SMYD3: variants seen among roughly 807,000 people sequenced by gnomAD.
SMYD3 encodes the protein SET and MYND domain containing 3.
A neutral mutation model predicts 57.7 loss-of-function variants in SMYD3; 36 were observed. The observed-to-expected ratio is 0.62, with a 90% CI of 0.48 to 0.82. The LOEUF (loss-of-function observed/expected upper bound fraction) is 0.82. SMYD3 is among the 40% of genes least tolerant of loss of function. The probability of loss-of-function intolerance (pLI) is 0.00; values close to 1 mark genes in which losing one functional copy is unlikely to be tolerated. For missense variants in SMYD3, 515 were observed against 538.8 expected, an observed-to-expected ratio of 0.96 and a Z score of 0.44; for synonymous variants, 211 against 195.0, an observed-to-expected ratio of 1.08 and a Z score of -0.68.
intron 5 of SMYD3, among the ~76,000 whole-genome samples, chr1:246,294,213 C>T (rs1419402155): frequency 6.6e-6 from 1 of 152,168 alleles, no homozygotes; most frequent in Non-Finnish European, 1.5e-5. Context: ...ATGTCTTCCT[C>T]ATTTCTAAAT....
intron 10 of SMYD3, among the ~76,000 whole-genome samples, chr1:245,835,820 G>A (rs1431279172): frequency 6.6e-6 from 1 of 152,214 alleles, no homozygotes; most frequent in Non-Finnish European, 1.5e-5. Context: ...CCAGGGTTTA[G>A]CAGGAGGCCA....
chr1:246,465,044 T>C (rs955823377), intron 1 of SMYD3, among the ~76,000 whole-genome samples: 1 of 152,196 alleles, frequency 6.6e-6, no homozygotes. Context: ...ACTGCTTTAC[T>C]TGACAAGAAA....
At chr1:246,209,916 G>C (rs1301159706) in intron 5 of SMYD3, among the ~76,000 whole-genome samples, 1 of 152,172 alleles carries the variant, frequency 6.6e-6, no homozygotes, top group East Asian at 1.9e-4. Context: ...TAAAACTACA[G>C]TTAGTAGCCT....
At chr1:246,406,128 T>C (rs533705614) in intron 1 of SMYD3, among the ~76,000 whole-genome samples, 1 of 151,948 alleles carries the variant, frequency 6.6e-6, no homozygotes, top group South Asian at 2.1e-4. Flanking sequence ...CGTTTTGCCA[T>C]GTTGCCCAGG....
intron 5 of SMYD3, chr1:246,326,700 ATT>A: frequency 3.4e-6 from 1 of 295,962 alleles, no homozygotes; most frequent in African/African-American, 2.2e-5. Context: ...GGAGGCGGAG[ATT>A]GCAGTGAGCC....
rs143797157 is a variant in SMYD3, at chr1:246,028,487, A to G, written c.532-98550T>C. 6.6e-5 allele frequency among the ~76,000 whole-genome samples: 10 copies of G among 152,336 alleles called. No individual in the cohort carries two copies. In the East Asian group the frequency reaches 1.9e-3, roughly 29 times the overall value. The stretch of plus-strand genomic sequence containing the variant: ...AAGCAATTCCACTTACAACAGCTAC[A>G]AAAACATAAATAAAGTATCTAACAA... On this transcript the variant is annotated intron_variant, in intron 5 of 11. Coordinates refer to ENST00000490107, the MANE Select transcript of SMYD3 (RefSeq NM_001167740.2).
intron 5 of SMYD3, among the ~76,000 whole-genome samples, chr1:245,941,587 C>G (rs1284512931): frequency 6.6e-6 from 1 of 152,340 alleles, no homozygotes; most frequent in South Asian, 2.1e-4. Flanking sequence ...ATGGAACAAT[C>G]TCGGCTCACT....
chr1:245,854,443 G>C (rs1041568247), intron 10 of SMYD3, among the ~76,000 whole-genome samples: 3 of 152,100 alleles, frequency 2.0e-5, no homozygotes, highest in Non-Finnish European at 4.4e-5. Context: ...GACAGAGATT[G>C]ATCTAAAAAT....
intron 1 of SMYD3, among the ~76,000 whole-genome samples, chr1:246,462,034 G>A (rs1350639407): frequency 1.3e-5 from 2 of 152,172 alleles, no homozygotes; most frequent in Non-Finnish European, 2.9e-5. Context: ...GGTAGGGAGG[G>A]CAAGGAAGGC....
At chr1:246,456,512 C>T (rs1479775106) in intron 1 of SMYD3, among the ~76,000 whole-genome samples, 1 of 152,208 alleles carries the variant, frequency 6.6e-6, no homozygotes, top group Non-Finnish European at 1.5e-5. Context: ...TACTCATCCA[C>T]CAACACCAAG....
At chr1:245,782,687 A>C (rs1405449448) in intron 10 of SMYD3, among the ~76,000 whole-genome samples, 1 of 152,232 alleles carries the variant, frequency 6.6e-6, no homozygotes, top group Non-Finnish European at 1.5e-5. Flanking sequence ...CTAACAATTT[A>C]CCTCTAATAC....
chr1:246,078,827 G>A (rs757946780), intron 5 of SMYD3, among the ~76,000 whole-genome samples: 6 of 152,152 alleles, frequency 3.9e-5, no homozygotes, highest in Admixed American at 1.3e-4. Flanking sequence ...AAAAGTCAAC[G>A]ATGATCTATA....
rs1231852374 is a variant in SMYD3 at position 246,045,848 on chromosome 1, T to C, written c.532-115911A>G. 2.0e-5 allele frequency among the ~76,000 whole-genome samples: 3 copies of C among 152,322 alleles called. No individual in the cohort carries two copies. In the East Asian group the frequency reaches 5.8e-4, roughly 29 times the overall value. Reference sequence around the variant, plus strand: ...CAGACACTTCTCAAAAGAAGACATTTATGCAGCCAACAGACACATGAAAAA... The same window carrying C: ...CAGACACTTCTCAAAAGAAGACATTCATGCAGCCAACAGACACATGAAAAA... On this transcript the variant is annotated intron_variant, in intron 5 of 11. Coordinates refer to ENST00000490107, the MANE Select transcript of SMYD3 (RefSeq NM_001167740.2).
chr1:246,402,293 A>T (rs1457232712), intron 1 of SMYD3, among the ~76,000 whole-genome samples: 1 of 145,292 alleles, frequency 6.9e-6, no homozygotes, highest in Non-Finnish European at 1.5e-5. Flanking sequence ...TTCCAAATTT[A>T]TAAAAGACCA....
Position 246,507,209 on chromosome 1 carries a change from C to A in SMYD3, c.9G>T (p.Pro3=). 1 of 1,518,966 alleles carries A rather than the reference C, an allele frequency of 6.6e-7. No homozygotes were observed. The highest frequency in any genetic ancestry group is 1.4e-5 in the African/African-American group (1 of 69,748). 94.1% of individuals were successfully genotyped at this position (1,518,966 alleles called of 1,614,324 possible). The change falls in exon 1 of 12, where the codon CCG becomes CCT. Residue 3 remains proline (P), a synonymous_variant. Coordinates refer to ENST00000490107, the MANE Select transcript of SMYD3 (RefSeq NM_001167740.2). The part of the protein sequence containing the change: ME[P]LKVEKFATAK... ...CGGTTGCGAACTTTTCCACCTTCAG[C>A]GGCTCCATCCTCCCGCAGCTCCGGC...
At chr1:246,307,901 T>A (rs2065014288) in intron 5 of SMYD3, among the ~76,000 whole-genome samples, 1 of 152,142 alleles carries the variant, frequency 6.6e-6, no homozygotes, top group Non-Finnish European at 1.5e-5. Flanking sequence ...TGGCATCCAG[T>A]CACAAGGATC....
At chr1:246,050,883 A>G (rs1046930197) in intron 5 of SMYD3, among the ~76,000 whole-genome samples, 2 of 152,166 alleles carry the variant, frequency 1.3e-5, no homozygotes, top group African/African-American at 4.8e-5. Flanking sequence ...CCCTTACTGA[A>G]TAACAATTCA....
At chr1:246,028,289 A>C (rs1463233197) in intron 5 of SMYD3, among the ~76,000 whole-genome samples, 1 of 152,242 alleles carries the variant, frequency 6.6e-6, no homozygotes, top group East Asian at 1.9e-4. Context: ...ATTGGAAAAA[A>C]GGAAGTCAAA....
rs1222067668 is a variant in SMYD3 at position 246,207,154 on chromosome 1, AAT to A, written c.531+120045_531+120046del. 1.1e-4 allele frequency among the ~76,000 whole-genome samples: 16 copies of A among 152,168 alleles called. 1 individual carries two copies. Among genetic ancestry groups the A allele is most frequent in the African/African-American group, 3.6e-4 (15 of 41,396 alleles). ...TACTGGATATTGGATATAAAAATTAAATATGTGTTATTTGACACACCTATTCT... is the reference window on the plus strand; with the variant it reads ...TACTGGATATTGGATATAAAAATTAAATGTGTTATTTGACACACCTATTCT... On this transcript the variant is annotated intron_variant, in intron 5 of 11. Coordinates refer to ENST00000490107, the MANE Select transcript of SMYD3 (RefSeq NM_001167740.2).
Sources: allele counts gnomAD v4.1 joint callset (sites outside exome capture counted in the v4.1 genomes callset), GRCh38; gene constraint gnomAD v4.1.1; transcripts MANE v1.5; gene names NCBI Gene and HGNC (gene_info 2026-07-23, HGNC 2026-07-21).